The following HAVCR1 variants were observed in gnomAD, a reference collection of about 807,000 sequenced individuals.
HAVCR1 encodes T cell immunoglobin domain and mucin domain protein 1.
HAVCR1 carries 34 observed loss-of-function variants against 32.0 expected under a neutral mutation model. The observed-to-expected ratio is 1.06, with a 90% confidence interval of 0.81 to 1.42. The LOEUF is 1.42. Ranked by LOEUF, HAVCR1 falls within the 40% of genes most tolerant of loss-of-function variation. The probability of loss-of-function intolerance (pLI) is 0.00; values close to 1 mark genes in which losing one functional copy is unlikely to be tolerated. For missense variants in HAVCR1, 420 were observed against 442.3 expected, an observed-to-expected ratio of 0.95 and a Z score of 0.45; for synonymous variants, 178 against 170.3, an observed-to-expected ratio of 1.05 and a Z score of -0.35.
chr5:157,044,523 GAA>G (rs1458449221), intron 5 of HAVCR1, among the ~76,000 whole-genome samples: 1 of 143,786 alleles, frequency 7.0e-6, no homozygotes, highest in Non-Finnish European at 1.5e-5. Flanking sequence ...AGGAAGGAAA[GAA>G]AGAAAGGAAA....
In HAVCR1 at chr5:157,037,134, G is replaced by T. The variant is rs937036772; in HGVS notation, c.952+113C>A. ...TGACTTTTACAAATGAGGATTTGGG[G>T]AGACAAAGGGAAGTCGTGTGAAATC... On this transcript the variant is annotated intron_variant, in intron 7 of 8. Transcript: ENST00000523175. The T allele has an allele frequency of 7.0e-6, 5 of 718,556 alleles. No individual in the cohort carries two copies. In the African/African-American group the frequency reaches 8.7e-5, roughly 13 times the overall value. 44.5% of individuals were successfully genotyped at this position (718,556 alleles called of 1,614,324 possible).
At chr5:157,052,180 T>C (rs1166072230) in intron 4 of HAVCR1, among the ~76,000 whole-genome samples, 181 bp downstream of exon 4, 1 of 152,162 alleles carries the variant, frequency 6.6e-6, no homozygotes, top group Non-Finnish European at 1.5e-5. Context: ...AAAATGCTCA[T>C]TGGTGCAAAA....
chr5:157,048,626 C>T (rs372201380), intron 5 of HAVCR1, among the ~76,000 whole-genome samples: 2 of 152,028 alleles, frequency 1.3e-5, no homozygotes, highest in African/African-American at 4.8e-5. Flanking sequence ...GTCAGGAGAT[C>T]GAGACAATCG....
Position 157,055,335 on chromosome 5 carries a change from T to C in HAVCR1, c.245A>G (p.Asp82Gly). ...CAAAGAGACATCCCTTCTTGAAAGG[T>C]CCCCCAATAGCTTATAGCGTGTGTC... is the stretch of plus-strand genomic sequence containing the variant. Reference protein sequence around the residue: ...RKDTRYKLLGDLSRRDVSLTI... With the variant: ...RKDTRYKLLGGLSRRDVSLTI... The change falls in exon 3 of 9, where the codon GAC becomes GGC. Residue 82 changes from aspartate (D) to glycine (G), a missense_variant. Coordinates refer to ENST00000523175, the MANE Select transcript of HAVCR1 (RefSeq NM_001173393.3). 6.2e-7 allele frequency: 1 copy of C among 1,612,854 alleles called. No homozygotes were observed. Among genetic ancestry groups the C allele is most frequent in the Non-Finnish European group, 8.5e-7 (1 of 1,178,912 alleles).
At chr5:157,047,160 C>T (rs1362851543) in intron 5 of HAVCR1, among the ~76,000 whole-genome samples, 1 of 152,114 alleles carries the variant, frequency 6.6e-6, no homozygotes, top group Admixed American at 6.6e-5. Flanking sequence ...ACTTTAATTT[C>T]CCCCGCCTTT....
intron 7 of HAVCR1, among the ~76,000 whole-genome samples, chr5:157,034,366 T>C (rs1363190413): frequency 2.6e-5 from 4 of 152,088 alleles, no homozygotes; most frequent in African/African-American, 9.6e-5. Context: ...AACATCTCAG[T>C]GCAGTAAAGA....
At chr5:157,049,669 A>G (rs1351749474) in intron 4 of HAVCR1, among the ~76,000 whole-genome samples, 1 of 152,224 alleles carries the variant, frequency 6.6e-6, no homozygotes, top group Non-Finnish European at 1.5e-5. Flanking sequence ...AATAACTAAC[A>G]GAGAATAGAT....
upstream of HAVCR1, among the ~76,000 whole-genome samples, chr5:157,063,473 C>T (rs1400938045): frequency 6.6e-6 from 1 of 151,888 alleles, no homozygotes; most frequent in Non-Finnish European, 1.5e-5. Context: ...TTAGCAGAGA[C>T]GGGGTTTCAC....
intron 5 of HAVCR1, among the ~76,000 whole-genome samples, chr5:157,047,547 C>T (rs923652218): frequency 1.5e-5 from 2 of 130,884 alleles, no homozygotes; most frequent in African/African-American, 2.7e-5. Flanking sequence ...AGCAAGACTC[C>T]GTCTCAAAAA....
intron 5 of HAVCR1, among the ~76,000 whole-genome samples, chr5:157,044,454 A>G (rs970015269): frequency 1.5e-5 from 1 of 68,364 alleles, no homozygotes; most frequent in African/African-American, 6.8e-5. Context: ...AAAGAAAGAA[A>G]GAAAGAAAGA....
At chr5:157,040,392 A>C (rs1215166898) in intron 6 of HAVCR1, among the ~76,000 whole-genome samples, 2 of 152,242 alleles carry the variant, frequency 1.3e-5, no homozygotes, top group African/African-American at 2.4e-5. Context: ...AACACATTGA[A>C]CATATACATG....
the HAVCR1 span, among the ~76,000 whole-genome samples, chr5:157,065,319 A>AAG: frequency 6.7e-6 from 1 of 149,310 alleles, no homozygotes; most frequent in Non-Finnish European, 1.5e-5. Flanking sequence ...AAAAAAAAAA[A>AAG]TGGTATTTTA....
At chr5:157,065,724 G>A in the HAVCR1 span, among the ~76,000 whole-genome samples, 4 of 151,722 alleles carry the variant, frequency 2.6e-5, no homozygotes, top group African/African-American at 7.3e-5. Flanking sequence ...GTGTGATGGC[G>A]CATGCCTGTA....
upstream of HAVCR1, among the ~76,000 whole-genome samples, chr5:157,061,234 T>C (rs1176726056): frequency 6.6e-6 from 1 of 152,094 alleles, no homozygotes; most frequent in African/African-American, 2.4e-5. Context: ...AATTAAAATT[T>C]CAGATTGCTT....
chr5:157,032,727 G>C (rs1487299699), intron 8 of HAVCR1, 127 bp downstream of exon 8: 1 of 681,082 alleles, frequency 1.5e-6, no homozygotes, highest in Non-Finnish European at 2.6e-6. Flanking sequence ...TAATAGAATT[G>C]CTCATTAAAG....
intron 2 of HAVCR1, 65 bp downstream of exon 2, chr5:157,057,833 C>T (rs1756307618): frequency 1.7e-6 from 2 of 1,172,636 alleles, no homozygotes; most frequent in Non-Finnish European, 2.6e-6. Context: ...CTTCCCCTAC[C>T]CCATTCTCTG....
At position 157,052,663 on chromosome 5, in the gene HAVCR1, A is replaced by C. The variant is rs1755837740; in HGVS notation, c.380-9T>G. 1.2e-6 allele frequency: 2 copies of C among 1,611,152 alleles called. No individual in the cohort carries two copies. The highest frequency in any genetic ancestry group is 1.7e-5 in the Admixed American group (1 of 59,954). ...AGTAGTCGTGACCTTGGCTGGAGTCAGAAATCAACATGAGAGTGAGCATAA... is the reference window on the plus strand; with the variant it reads ...AGTAGTCGTGACCTTGGCTGGAGTCCGAAATCAACATGAGAGTGAGCATAA... On this transcript the variant is annotated splice_polypyrimidine_tract_variant and intron_variant, in intron 3 of 8. Coordinates refer to ENST00000523175, the MANE Select transcript of HAVCR1 (RefSeq NM_001173393.3).
upstream of HAVCR1, among the ~76,000 whole-genome samples, chr5:157,063,121 C>CA (rs1186472025): frequency 9.3e-5 from 12 of 129,268 alleles, no homozygotes; most frequent in Middle Eastern, 3.8e-3. Context: ...GATTCTGTCT[C>CA]AAAAAAAAAA....
chr5:157,067,795 T>C, the HAVCR1 span, among the ~76,000 whole-genome samples: 1 of 152,230 alleles, frequency 6.6e-6, no homozygotes, highest in East Asian at 1.9e-4. Context: ...TTAAAGCGAT[T>C]CTCCTGTGTC....
Sources: allele counts gnomAD v4.1 joint callset (sites outside exome capture counted in the v4.1 genomes callset), GRCh38; gene constraint gnomAD v4.1.1; transcripts MANE v1.5; gene names NCBI Gene and HGNC (gene_info 2026-07-23, HGNC 2026-07-21).